Variants in RUFY2 observed in about 807,000 individuals in gnomAD.
RUFY2 encodes RUN and FYVE domain containing 2.
In RUFY2, 49 loss-of-function variants were observed where a neutral mutation model predicts 94.4. The ratio of observed to expected loss-of-function variants is 0.52; its 90% confidence interval spans 0.41 to 0.66. The LOEUF (loss-of-function observed/expected upper bound fraction) is 0.66. Among genes scored for constraint, RUFY2 ranks in the 30% least tolerant of loss-of-function variants. The pLI, the probability that RUFY2 is intolerant of heterozygous loss-of-function variation, is 0.00. For missense variants in RUFY2, 541 were observed against 692.8 expected (o/e 0.78, Z 2.46); for synonymous variants, 255 against 235.7 (o/e 1.08, Z -0.75).
intron 1 of RUFY2, chr10:68,406,798 T>C (rs755933696): frequency 2.5e-6 from 4 of 1,612,050 alleles, no homozygotes; most frequent in Non-Finnish European, 3.4e-6. Flanking sequence ...GCCCTCGGCG[T>C]CAGGCACCCA....
At chr10:68,366,374 G>C (rs1313325626) in intron 13 of RUFY2, among the ~76,000 whole-genome samples, 1 of 146,990 alleles carries the variant, frequency 6.8e-6, no homozygotes, top group Non-Finnish European at 1.5e-5. Context: ...AAAGGAAGAT[G>C]TAAGTACATA....
chr10:68,383,275 A>G (rs533407934), intron 10 of RUFY2, among the ~76,000 whole-genome samples: 6 of 152,284 alleles, frequency 3.9e-5, no homozygotes, highest in African/African-American at 1.4e-4. Flanking sequence ...CAGTGAGCCA[A>G]GATCGCACCA....
At chr10:68,346,951 C>A (rs2046317460) in intron 16 of RUFY2, among the ~76,000 whole-genome samples, 1 of 152,040 alleles carries the variant, frequency 6.6e-6, no homozygotes, top group East Asian at 1.9e-4. Context: ...GGGGAACAGA[C>A]TCCATCTTTA....
At chr10:68,377,394 G>A (rs1589888021) in intron 12 of RUFY2, 1 of 1,008,950 alleles carries the variant, frequency 9.9e-7, no homozygotes, top group East Asian at 1.1e-4. Context: ...ATGCTAGGAT[G>A]TGTATGCCAG....
In RUFY2 at chr10:68,376,448, A is replaced by G. The variant is rs1410340767; in HGVS notation, c.1325+405T>C. Reference sequence around the variant, plus strand: ...TCATCTCAAAAAAATGTGTGTATATATATATATATATATATATATATATAT... The same window carrying G: ...TCATCTCAAAAAAATGTGTGTATATGTATATATATATATATATATATATAT... On this transcript the variant is annotated intron_variant, in intron 13 of 17. Coordinates refer to ENST00000602465, the MANE Select transcript of RUFY2 (RefSeq NM_001330103.2). 4.3e-3 allele frequency among the ~76,000 whole-genome samples: 46 copies of G among 10,698 alleles called. 2 individuals carry two copies. Among genetic ancestry groups the G allele is most frequent in the African/African-American group, 0.019 (43 of 2,312 alleles). 7.0% of individuals were successfully genotyped at this position (10,698 alleles called of 152,430 possible).
At chr10:68,407,065 C>G in intron 1 of RUFY2, 121 bp downstream of exon 1, 2 of 1,477,880 alleles carry the variant, frequency 1.4e-6, no homozygotes, top group South Asian at 1.4e-5. Flanking sequence ...ATCCTGGGTT[C>G]GGGCCCCAGT....
At chr10:68,406,864 G>A in intron 1 of RUFY2, 1 of 1,605,964 alleles carries the variant, frequency 6.2e-7, no homozygotes, top group Non-Finnish European at 8.5e-7. Context: ...AAAAGTCATC[G>A]CCCCTCCCCG....
chr10:68,365,414 C>A (rs1437566765), intron 13 of RUFY2, among the ~76,000 whole-genome samples: 2 of 152,154 alleles, frequency 1.3e-5, no homozygotes, highest in South Asian at 4.1e-4. Flanking sequence ...AAGATGTGCA[C>A]GTTAGATGAA....
At chr10:68,397,011 A>G in intron 3 of RUFY2, 130 bp from the exon 4 acceptor site, 2 of 600,982 alleles carry the variant, frequency 3.3e-6, no homozygotes, top group South Asian at 2.3e-5. Flanking sequence ...TTATAGGTTT[A>G]TCTTTTTGAG....
In RUFY2 at chr10:68,394,089, A is replaced by C. The variant is rs770342069; in HGVS notation, c.570T>G (p.Ile190Met). 9.5e-5 allele frequency: 143 copies of C among 1,508,808 alleles called. No individual in the cohort carries two copies. The highest frequency in any genetic ancestry group is 1.3e-4 in the Non-Finnish European group (141 of 1,121,956). 93.5% of individuals were successfully genotyped at this position (1,508,808 alleles called of 1,614,324 possible). A position where few individuals can be genotyped will look rare whatever the true frequency, so the allele number is the denominator to read the frequency against. Reference sequence around the variant, plus strand: ...GAAAATCATACCTTTCTTTATTTCCAATATCTTCTTCATTCTTTAAATACA... The same window carrying C: ...GAAAATCATACCTTTCTTTATTTCCCATATCTTCTTCATTCTTTAAATACA... ...FSMYLKNEED[I>M]GNKERNVQIA... is the part of the protein sequence containing the mutation. The change falls in exon 6 of 18, where the codon ATT (isoleucine) becomes ATG (methionine). Residue 190 changes from isoleucine (I) to methionine (M), a missense_variant. This residue lies in a region of RUFY2 where 403 missense variants were observed against 480.7 expected (regional missense o/e 0.84). Coordinates refer to ENST00000602465, the MANE Select transcript of RUFY2 (RefSeq NM_001330103.2).
chr10:68,345,330 GA>G lies in RUFY2; in HGVS notation c.*437del. 3.1e-6 allele frequency: 1 copy of G among 318,684 alleles called. No homozygotes were observed. Among genetic ancestry groups the G allele is most frequent in the Non-Finnish European group, 5.6e-6 (1 of 177,240 alleles). 19.7% of individuals were successfully genotyped at this position (318,684 alleles called of 1,614,324 possible). On this transcript the variant is annotated 3_prime_UTR_variant, in exon 18 of 18. Coordinates refer to ENST00000602465, the MANE Select transcript of RUFY2 (RefSeq NM_001330103.2). Reference sequence around the variant, plus strand: ...ATAGTTGAAATCTTACAAAGATAATGAAAATCTGTTGAATTAGAATATTAAT... The same window carrying G: ...ATAGTTGAAATCTTACAAAGATAATGAAATCTGTTGAATTAGAATATTAAT...
At chr10:68,366,826 ATAT>A (rs1353771689) in intron 13 of RUFY2, among the ~76,000 whole-genome samples, 3 of 142,084 alleles carry the variant, frequency 2.1e-5, no homozygotes, top group Non-Finnish European at 4.5e-5. Context: ...TATATGGTAT[ATAT>A]TATAATAATA....
rs780628921 is a variant in RUFY2, at chr10:68,383,908, T to C, written c.829A>G (p.Lys277Glu). 1.9e-6 allele frequency: 3 copies of C among 1,613,070 alleles called. No homozygotes were observed. In the Admixed American group the frequency reaches 5.0e-5, roughly 27 times the overall value. Residue 277 changes from lysine (K) to glutamate (E), a missense_variant, in exon 10 of 18, where the codon AAA becomes GAA. This residue lies in a region of RUFY2 where 403 missense variants were observed against 480.7 expected (regional missense o/e 0.84). Coordinates refer to ENST00000602465, the MANE Select transcript of RUFY2 (RefSeq NM_001330103.2). ...TGAAGCTCAGTTTCCACATCTACTT[T>C]GGTAACCTAGGAAGAAAACAAAATT... is the stretch of plus-strand genomic sequence containing the variant. Reference protein sequence around the residue: ...MKTQQHLEVTKVDVETELQTY... With the variant: ...MKTQQHLEVTEVDVETELQTY...
chr10:68,362,808 A>G (rs2047546079), intron 15 of RUFY2, among the ~76,000 whole-genome samples: 1 of 151,946 alleles, frequency 6.6e-6, no homozygotes, highest in East Asian at 1.9e-4. Flanking sequence ...AATGAAAGAA[A>G]GGCAAAACAC....
At chr10:68,396,703 T>C in intron 4 of RUFY2, 77 bp downstream of exon 4, 2 of 899,492 alleles carry the variant, frequency 2.2e-6, no homozygotes, top group Admixed American at 2.4e-5. Flanking sequence ...CCTTTCATAT[T>C]ACATCTTAAA....
rs190657100 is a variant in RUFY2 at position 68,351,630 on chromosome 10, A to G, written c.1599+3723T>C. 6.6e-5 allele frequency among the ~76,000 whole-genome samples: 10 copies of G among 150,506 alleles called. No individual in the cohort carries two copies. In the East Asian group the frequency reaches 1.6e-3, roughly 24 times the overall value. ...ACACTCAGCTAATTTTTGTATTTTT[A>G]GTAGAGGCGGGGTTTCACCATGTTG... is the stretch of plus-strand genomic sequence containing the variant. On this transcript the variant is annotated intron_variant, in intron 16 of 17. Transcript: ENST00000602465.
intron 13 of RUFY2, 26 bp from the exon 14 acceptor site, chr10:68,364,139 G>A (rs1051526377): frequency 5.0e-6 from 8 of 1,597,818 alleles, no homozygotes; most frequent in Non-Finnish European, 6.8e-6. Flanking sequence ...ACACACAGAA[G>A]CTCAGTGCTA....
At chr10:68,353,331 GAA>G (rs372859135) in intron 16 of RUFY2, among the ~76,000 whole-genome samples, 22 of 112,312 alleles carry the variant, frequency 2.0e-4, no homozygotes, top group Non-Finnish European at 3.1e-4. Flanking sequence ...ACCCTGTCTC[GAA>G]AAAAAAAAAA....
Position 68,384,962 on chromosome 10 carries a change from T to A in RUFY2, c.721-810A>T, listed in dbSNP as rs181563051. ...GCAAGTTATCATGTGTTCGTTGGTT[T>A]GGAAAAATTAGGCCAATTTGGCTGG... On this transcript the variant is annotated intron_variant, in intron 8 of 17. Coordinates refer to ENST00000602465, the MANE Select transcript of RUFY2 (RefSeq NM_001330103.2). 7.7e-4 allele frequency among the ~76,000 whole-genome samples: 117 copies of A among 152,084 alleles called. 2 individuals carry two copies. Among genetic ancestry groups the A allele is most frequent in the South Asian group, 2.1e-3 (10 of 4,814 alleles).
Sources: gnomAD v4.1 joint callset for allele counts (sites outside exome capture counted in the v4.1 genomes callset) on GRCh38, gnomAD v4.1.1 for gene constraint, gnomAD v4.1.1 regional missense constraint, MANE v1.5 for transcripts, NCBI Gene and HGNC (gene_info 2026-07-23, HGNC 2026-07-21) for gene names.